The following DZIP1 variants were observed in gnomAD, a reference collection of about 807,000 sequenced individuals.
DZIP1 encodes cilium assembly protein DZIP1.
DZIP1 carries 97 observed loss-of-function variants against 107.6 expected under a neutral mutation model. That is an observed-to-expected ratio of 0.90 (90% CI 0.77 to 1.07). DZIP1 has a LOEUF of 1.07. Ranked by LOEUF, DZIP1 falls within the 50% of genes least tolerant of loss-of-function variation. The pLI, the probability that DZIP1 is intolerant of heterozygous loss-of-function variation, is 0.00. For synonymous variants in DZIP1, 390 were observed against 386.4 expected (o/e 1.01, Z -0.11); for missense variants, 1,035 against 1,063.6 (o/e 0.97, Z 0.37).
At chr13:95,636,817 T>G (rs1162255508) in intron 5 of DZIP1, among the ~76,000 whole-genome samples, 1 of 152,156 alleles carries the variant, frequency 6.6e-6, no homozygotes, top group African/African-American at 2.4e-5. Context: ...AGTGTTTCTC[T>G]GAAGTGCAGT....
At chr13:95,616,170 T>C (rs1366746470) in intron 10 of DZIP1, among the ~76,000 whole-genome samples, 1 of 152,180 alleles carries the variant, frequency 6.6e-6, no homozygotes, top group Non-Finnish European at 1.5e-5. Context: ...GCATCTTAGC[T>C]GCCATAGATA....
At chr13:95,587,945 G>T (rs2044208549) in intron 19 of DZIP1, 9 of 474,426 alleles carry the variant, frequency 1.9e-5, no homozygotes, top group Non-Finnish European at 2.9e-5. Context: ...CAGCCACGGG[G>T]CATGTTTATC....
At chr13:95,639,513 C>T (rs751307323) in intron 5 of DZIP1, among the ~76,000 whole-genome samples, 6 of 149,962 alleles carry the variant, frequency 4.0e-5, no homozygotes, top group Non-Finnish European at 3.0e-5. Flanking sequence ...ATCGCTTGAA[C>T]GCGGGAGAAG....
At chr13:95,624,322 A>G (rs1442895766) in intron 8 of DZIP1, among the ~76,000 whole-genome samples, 1 of 152,174 alleles carries the variant, frequency 6.6e-6, no homozygotes, top group African/African-American at 2.4e-5. Flanking sequence ...CCCACAAGGG[A>G]GAGGGGCTCA....
chr13:95,611,901 C>T (rs2045019629), intron 11 of DZIP1, 136 bp downstream of exon 11: 1 of 1,116,704 alleles, frequency 9.0e-7, no homozygotes, highest in Non-Finnish European at 1.2e-6. Flanking sequence ...CTAACTTTTA[C>T]AAGCAATCAC....
At chr13:95,612,337 C>A (rs1383883813) in intron 10 of DZIP1, among the ~76,000 whole-genome samples, 160 bp from the exon 11 acceptor site, 1 of 152,236 alleles carries the variant, frequency 6.6e-6, no homozygotes, top group Non-Finnish European at 1.5e-5. Context: ...TATCCTGGCC[C>A]TGGCTGCTCT....
intron 6 of DZIP1, among the ~76,000 whole-genome samples, chr13:95,631,888 G>A (rs1877238873): frequency 6.6e-6 from 1 of 152,134 alleles, no homozygotes; most frequent in Admixed American, 6.5e-5. Context: ...TCTGTCTACT[G>A]AAGCTGCTGT....
Position 95,630,118 on chromosome 13 carries a change from T to A in DZIP1, c.686-5A>T, listed in dbSNP as rs768071072. 6.2e-6 allele frequency: 10 copies of A among 1,608,906 alleles called. No homozygotes were observed. The highest frequency in any genetic ancestry group is 1.3e-5 in the African/African-American group (1 of 74,810). On this transcript the variant is annotated splice_region_variant and splice_polypyrimidine_tract_variant and intron_variant, in intron 6 of 22. Transcript: ENST00000376829. ...TCTGTGCATTTTTCTGATACTCTGT[T>A]GCAACAGAAAATCGTGTTAAAACAC...
At chr13:95,603,762 G>A (rs559058859) in intron 14 of DZIP1, among the ~76,000 whole-genome samples, 5 of 152,310 alleles carry the variant, frequency 3.3e-5, no homozygotes, top group Non-Finnish European at 4.4e-5. Flanking sequence ...TCCAGAACCC[G>A]TGTTTCATCC....
At position 95,642,024 on chromosome 13, in the gene DZIP1, T is replaced by C; in HGVS notation, c.6A>G (p.Gln2=). 1.3e-6 allele frequency: 2 copies of C among 1,575,540 alleles called. No homozygotes were observed. The highest frequency in any genetic ancestry group is 1.1e-5 in the South Asian group (1 of 88,258). Residue 2 remains glutamine, a synonymous_variant, in exon 4 of 23, where the codon CAA becomes CAG. Transcript: ENST00000376829. M[Q]AEAADWFSSM... The stretch of plus-strand genomic sequence containing the variant: ...TTGAAAACCAATCCGCTGCCTCAGC[T>C]TGCATAGGAGGAGCCGGGCGGTCTT...
intron 5 of DZIP1, among the ~76,000 whole-genome samples, chr13:95,637,604 ATCTCTCTC>A (rs10539901): frequency 0.052 from 7,540 of 145,080 alleles, 277 homozygotes; most frequent in African/African-American, 0.096. Flanking sequence ...GACATTAGCG[ATCTCTCTC>A]TCTCTCTCTC....
chr13:95,622,018 A>G (rs1875928311), intron 9 of DZIP1, among the ~76,000 whole-genome samples: 1 of 152,224 alleles, frequency 6.6e-6, no homozygotes, highest in Non-Finnish European at 1.5e-5. Context: ...GTGCTTCAAT[A>G]TGCCCTTCTA....
At chr13:95,640,783 T>C (rs1878396078) in intron 5 of DZIP1, among the ~76,000 whole-genome samples, 1 of 152,168 alleles carries the variant, frequency 6.6e-6, no homozygotes, top group Non-Finnish European at 1.5e-5. Context: ...TCAAAAGTAA[T>C]AATAATATGT....
At chr13:95,599,519 G>A in intron 14 of DZIP1, 95 bp from the exon 15 acceptor site, 1 of 1,138,240 alleles carries the variant, frequency 8.8e-7, no homozygotes, top group Non-Finnish European at 1.3e-6. Context: ...TCATTCCATG[G>A]TATTTTAGTC....
intron 18 of DZIP1, 58 bp from the exon 19 acceptor site, chr13:95,589,265 A>G (rs1157283686): frequency 2.2e-6 from 3 of 1,350,516 alleles, no homozygotes; most frequent in Non-Finnish European, 3.1e-6. Flanking sequence ...ATAATTTCAC[A>G]TACATTTCTA....
chr13:95,633,327 A>C lies in DZIP1; in HGVS notation c.598-6T>G. The C allele has an allele frequency of 6.2e-7, 1 of 1,612,550 alleles. No individual in the cohort carries two copies. Among genetic ancestry groups the C allele is most frequent in the South Asian group, 1.1e-5 (1 of 91,034 alleles). ...GCCTTGTCACAAAAATGGCACTGAAAAGGAGAGAGCAACAAATCCAAGTGT... is the reference window on the plus strand; with the variant it reads ...GCCTTGTCACAAAAATGGCACTGAACAGGAGAGAGCAACAAATCCAAGTGT... On this transcript the variant is annotated splice_polypyrimidine_tract_variant and splice_region_variant and intron_variant, in intron 5 of 22. Transcript: ENST00000376829.
At chr13:95,625,730 G>T (rs375578063) in intron 7 of DZIP1, among the ~76,000 whole-genome samples, 1 of 152,174 alleles carries the variant, frequency 6.6e-6, no homozygotes, top group South Asian at 2.1e-4. Flanking sequence ...GGAAGATACT[G>T]TGAGGTTAAT....
At chr13:95,618,135 C>G (rs1246132850) in intron 10 of DZIP1, among the ~76,000 whole-genome samples, 2 of 152,176 alleles carry the variant, frequency 1.3e-5, no homozygotes, top group Non-Finnish European at 2.9e-5. Flanking sequence ...AATCCCACTT[C>G]AAGAAACTCT....
intron 10 of DZIP1, among the ~76,000 whole-genome samples, chr13:95,614,760 A>G (rs1874827911): frequency 2.0e-5 from 3 of 152,068 alleles, no homozygotes; most frequent in Admixed American, 2.0e-4. Context: ...CAAGCTCTCA[A>G]GAGTCTTCTG....
Sources: allele counts gnomAD v4.1 joint callset (sites outside exome capture counted in the v4.1 genomes callset), GRCh38; gene constraint gnomAD v4.1.1; transcripts MANE v1.5; gene names NCBI Gene and HGNC (gene_info 2026-07-23, HGNC 2026-07-21).